The following STAG1 variants were observed in gnomAD, a reference collection of about 807,000 sequenced individuals.
STAG1 encodes STAG1 cohesin complex component.
Under a neutral mutation model 170.9 loss-of-function variants are expected in STAG1, and 26 were observed. That is an observed-to-expected ratio of 0.15 (90% CI 0.11 to 0.21). The LOEUF (loss-of-function observed/expected upper bound fraction) is 0.21. STAG1 is among the 10% of genes least tolerant of loss of function. The pLI is 1.00. For missense variants in STAG1, 964 were observed against 1,509.5 expected (o/e 0.64, Z 5.99); for synonymous variants, 514 against 497.7 (o/e 1.03, Z -0.44).
At chr3:136,607,506 G>T (rs1472530266) in intron 3 of STAG1, among the ~76,000 whole-genome samples, 1 of 152,070 alleles carries the variant, frequency 6.6e-6, no homozygotes, top group African/African-American at 2.4e-5. Context: ...GGGTTCAAGC[G>T]ATTCTTCTGC....
intron 6 of STAG1, among the ~76,000 whole-genome samples, chr3:136,531,923 A>G (rs1935396141): frequency 6.6e-6 from 1 of 151,456 alleles, no homozygotes; most frequent in African/African-American, 2.4e-5. Context: ...AAAAAAAAAA[A>G]AGAGTAGTAA....
chr3:136,586,845 G>A (rs760444653), intron 4 of STAG1: 8 of 456,550 alleles, frequency 1.8e-5, no homozygotes, highest in Non-Finnish European at 4.4e-6. Context: ...TAAATAGAGG[G>A]GCCAAAGGCT....
chr3:136,464,573 A>C (rs923138496), intron 13 of STAG1, among the ~76,000 whole-genome samples: 2 of 152,110 alleles, frequency 1.3e-5, no homozygotes. Flanking sequence ...TAAAGAAAAA[A>C]CTAGTGTGAT....
chr3:136,726,341 C>A (rs536402825), intron 1 of STAG1, among the ~76,000 whole-genome samples: 1 of 152,302 alleles, frequency 6.6e-6, no homozygotes, highest in South Asian at 2.1e-4. Context: ...AACCATTATT[C>A]CCAGTTGTGA....
At chr3:136,368,414 C>A (rs1346311539) in intron 24 of STAG1, among the ~76,000 whole-genome samples, 2 of 152,106 alleles carry the variant, frequency 1.3e-5, no homozygotes, top group Non-Finnish European at 2.9e-5. Flanking sequence ...AGTTTTTCAG[C>A]ATTTAATATC....
intron 9 of STAG1, among the ~76,000 whole-genome samples, chr3:136,477,613 T>A (rs554305985): frequency 6.6e-6 from 1 of 152,122 alleles, no homozygotes; most frequent in Non-Finnish European, 1.5e-5. Flanking sequence ...AAAAAAAGCT[T>A]CTATTAAACT....
intron 1 of STAG1, among the ~76,000 whole-genome samples, chr3:136,717,378 T>C (rs918398189): frequency 3.3e-5 from 5 of 152,182 alleles, no homozygotes; most frequent in African/African-American, 1.2e-4. Flanking sequence ...CTAAATAATA[T>C]GGAGGTCGGG....
At chr3:136,346,850 G>A (rs1936240721) in intron 29 of STAG1, among the ~76,000 whole-genome samples, 1 of 152,214 alleles carries the variant, frequency 6.6e-6, no homozygotes, top group South Asian at 2.1e-4. Context: ...TGTAATCCTA[G>A]CACTTTGGGA....
rs1438665970 is a variant in STAG1 at position 136,685,501 on chromosome 3, C to CAT, written c.-83-54522_-83-54521dup. On this transcript the variant is annotated intron_variant, in intron 1 of 33. Transcript: ENST00000383202. ...TAGAATTTACTCAAATGAGTTGAAA[C>CAT]ATATGTCCACACACGTTTATAGCAA... Among the ~76,000 whole-genome samples the CAT allele has an allele frequency of 5.3e-5, 8 of 152,240 alleles. No homozygotes were observed. In the East Asian group the frequency reaches 1.5e-3, roughly 29 times the overall value.
At chr3:136,377,331 G>A (rs1020278892) in intron 23 of STAG1, among the ~76,000 whole-genome samples, 6 of 119,942 alleles carry the variant, frequency 5.0e-5, no homozygotes, top group Non-Finnish European at 6.5e-5. Context: ...AGCTTGCAGT[G>A]AGCCGAGATT....
intron 13 of STAG1, among the ~76,000 whole-genome samples, chr3:136,455,896 A>G (rs1300681479): frequency 6.6e-6 from 1 of 152,238 alleles, no homozygotes; most frequent in Non-Finnish European, 1.5e-5. Flanking sequence ...CTCCAGTACT[A>G]AGAGTCTTCA....
chr3:136,375,473 A>G (rs1010295639), intron 23 of STAG1, among the ~76,000 whole-genome samples: 8 of 152,224 alleles, frequency 5.3e-5, no homozygotes, highest in African/African-American at 1.9e-4. Flanking sequence ...ATAACTGTAT[A>G]TCTGGTTGTC....
At chr3:136,408,368 T>TA (rs1295458961) in intron 21 of STAG1, among the ~76,000 whole-genome samples, 6 of 152,184 alleles carry the variant, frequency 3.9e-5, no homozygotes, top group Non-Finnish European at 7.3e-5. Context: ...TACACATAGT[T>TA]AAGAGTTACT....
intron 13 of STAG1, among the ~76,000 whole-genome samples, chr3:136,461,298 A>G (rs2089266623): frequency 6.6e-6 from 1 of 152,232 alleles, no homozygotes; most frequent in Admixed American, 6.5e-5. Flanking sequence ...CACCACTTTT[A>G]TACAACATAG....
intron 3 of STAG1, among the ~76,000 whole-genome samples, chr3:136,619,881 C>T (rs555917398): frequency 6.0e-5 from 9 of 150,376 alleles, no homozygotes; most frequent in Admixed American, 3.3e-4. Flanking sequence ...GCCTGGACAA[C>T]ATAGTGAGAC....
At chr3:136,623,080 C>A in intron 3 of STAG1, 66 bp downstream of exon 3, 6 of 1,357,442 alleles carry the variant, frequency 4.4e-6, no homozygotes, top group Non-Finnish European at 6.1e-6. Flanking sequence ...CTAGAATTAA[C>A]AACTCATATA....
At chr3:136,515,163 G>A (rs138181428) in intron 7 of STAG1, among the ~76,000 whole-genome samples, 7 of 152,100 alleles carry the variant, frequency 4.6e-5, no homozygotes, top group South Asian at 2.1e-4. Context: ...TGAGGAGTTC[G>A]AGACTAGCCT....
At chr3:136,594,896 G>T in intron 4 of STAG1, among the ~76,000 whole-genome samples, 1 of 152,052 alleles carries the variant, frequency 6.6e-6, no homozygotes, top group East Asian at 1.9e-4. Context: ...TCAGCCTCCT[G>T]AGTAGCTGGG....
rs531773502 is a variant in STAG1 at position 136,532,320 on chromosome 3, G to T, written c.471+9799C>A. Among the ~76,000 whole-genome samples, 4 of 152,228 alleles carry T rather than the reference G, an allele frequency of 2.6e-5. No homozygotes were observed. The East Asian group carries it at 5.8e-4, about 22-fold the overall frequency. ...CTTCATCAGGGATGTTGGCCTGTAG[G>T]TTCCTTTATGTTGTTGTTGTTTTTG... On this transcript the variant is annotated intron_variant, in intron 6 of 33. Transcript: ENST00000383202.
Sources: allele counts gnomAD v4.1 joint callset (sites outside exome capture counted in the v4.1 genomes callset), GRCh38; gene constraint gnomAD v4.1.1; transcripts MANE v1.5; gene names NCBI Gene and HGNC (gene_info 2026-07-23, HGNC 2026-07-21).